Variants in COL22A1 observed in about 807,000 individuals in gnomAD.
COL22A1 encodes the protein collagen alpha-1(XXII) chain.
COL22A1 carries 221 observed loss-of-function variants against 248.9 expected under a neutral mutation model. That is an observed-to-expected ratio of 0.89 (90% CI 0.80 to 0.99). The LOEUF (loss-of-function observed/expected upper bound fraction) is 0.99. Among genes scored for constraint, COL22A1 ranks in the 50% least tolerant of loss-of-function variants. The pLI is 0.00. For missense variants in COL22A1, 2,240 were observed against 2,179.0 expected, an observed-to-expected ratio of 1.03 and a Z score of -0.56; for synonymous variants, 891 against 793.4, an observed-to-expected ratio of 1.12 and a Z score of -2.07.
intron 7 of COL22A1, among the ~76,000 whole-genome samples, chr8:138,820,827 C>T (rs555286796): frequency 1.3e-5 from 2 of 152,320 alleles, no homozygotes; most frequent in African/African-American, 4.8e-5. Context: ...GTCAGTCTTG[C>T]TCTCTTTTGC....
intron 5 of COL22A1, 25 bp downstream of exon 5, chr8:138,833,014 T>C (rs1178963559): frequency 5.4e-6 from 8 of 1,475,694 alleles, no homozygotes; most frequent in African/African-American, 1.4e-5. Flanking sequence ...CCTGGGCAGG[T>C]CTGGAAAGAG....
At chr8:138,860,460 G>A (rs1563854112) in intron 3 of COL22A1, among the ~76,000 whole-genome samples, 1 of 152,154 alleles carries the variant, frequency 6.6e-6, no homozygotes. Context: ...TGGATCTCAA[G>A]CTTTATTTAA....
At chr8:138,818,645 G>A (rs1246297206) in intron 7 of COL22A1, among the ~76,000 whole-genome samples, 1 of 152,198 alleles carries the variant, frequency 6.6e-6, no homozygotes, top group African/African-American at 2.4e-5. Context: ...TCTGTGAAAT[G>A]AGGATGTCCA....
At chr8:138,692,446 GGTGTGTGTGTGAGTGCATGTGT>G (rs1564202562) in intron 35 of COL22A1, among the ~76,000 whole-genome samples, 2 of 145,564 alleles carry the variant, frequency 1.4e-5, no homozygotes, top group Non-Finnish European at 3.0e-5. Flanking sequence ...TGTGTGTGGA[GGTGTGTGTGTGAGTGCATGTGT>G]GTGTGTGTGT....
At chr8:138,755,603 G>A (rs541400445) in intron 19 of COL22A1, 92 bp from the exon 20 acceptor site, 329 of 1,448,846 alleles carry the variant, frequency 2.3e-4, no homozygotes, top group Non-Finnish European at 2.8e-4. Flanking sequence ...TCATTCACAG[G>A]CCATGCTGTC....
intron 39 of COL22A1, among the ~76,000 whole-genome samples, chr8:138,683,732 C>T (rs900303971): frequency 6.6e-6 from 1 of 152,022 alleles, no homozygotes. Flanking sequence ...CAGAACTCCC[C>T]ACAGCAAGAC....
intron 1 of COL22A1, among the ~76,000 whole-genome samples, chr8:138,910,046 A>G (rs1815341625): frequency 6.6e-6 from 1 of 152,234 alleles, no homozygotes; most frequent in Non-Finnish European, 1.5e-5. Context: ...CGCTTGCAGG[A>G]ATGTGAAGAA....
intron 3 of COL22A1, among the ~76,000 whole-genome samples, chr8:138,873,382 G>C (rs1823486095): frequency 6.6e-6 from 1 of 152,070 alleles, no homozygotes; most frequent in African/African-American, 2.4e-5. Context: ...CATTGCCCAT[G>C]AACTTCTAAT....
chr8:138,765,574 A>G (rs1488984128), intron 16 of COL22A1, among the ~76,000 whole-genome samples: 1 of 152,244 alleles, frequency 6.6e-6, no homozygotes, highest in Non-Finnish European at 1.5e-5. Context: ...ACGCAGGCGC[A>G]CAATTCCATG....
intron 37 of COL22A1, 117 bp from the exon 38 acceptor site, chr8:138,685,429 A>T (rs1448115020): frequency 5.2e-6 from 4 of 769,758 alleles, no homozygotes; most frequent in Admixed American, 2.6e-5. Context: ...TGATTTTAGA[A>T]GGCCCATGCT....
intron 5 of COL22A1, among the ~76,000 whole-genome samples, chr8:138,830,529 T>TA (rs1281164363): frequency 2.6e-5 from 4 of 151,926 alleles, no homozygotes; most frequent in South Asian, 2.1e-4. Context: ...GCTTTGCCAT[T>TA]AAAAAAAATG....
intron 41 of COL22A1, among the ~76,000 whole-genome samples, chr8:138,675,874 C>G (rs1825466084): frequency 6.6e-6 from 1 of 152,148 alleles, no homozygotes; most frequent in African/African-American, 2.4e-5. Flanking sequence ...TTTCCATTAT[C>G]TATGGAAATA....
At chr8:138,725,869 C>T (rs73443093) in intron 23 of COL22A1, among the ~76,000 whole-genome samples, 8,740 of 151,976 alleles carry the variant, frequency 0.058, 463 homozygotes, top group African/African-American at 0.15. Context: ...GCAGGGCTGG[C>T]GCCAGGATCA....
intron 64 of COL22A1, among the ~76,000 whole-genome samples, chr8:138,590,420 C>A (rs928379530): frequency 2.0e-5 from 3 of 152,150 alleles, no homozygotes; most frequent in African/African-American, 7.2e-5. Flanking sequence ...GGTACAGTTA[C>A]TTCCTCCTTT....
At chr8:138,660,867 A>C (rs62527895) in intron 43 of COL22A1, among the ~76,000 whole-genome samples, 91,738 of 130,068 alleles carry the variant, frequency 0.71, 32,788 homozygotes, top group Non-Finnish European at 0.82. Context: ...CAGACACACA[A>C]ACACACAGAC....
intron 4 of COL22A1, among the ~76,000 whole-genome samples, chr8:138,839,232 G>C (rs1177133493): frequency 6.6e-6 from 1 of 152,164 alleles, no homozygotes; most frequent in Non-Finnish European, 1.5e-5. Flanking sequence ...CTATGTGTTA[G>C]ATGCTGCGTG....
rs192094912 is a variant in COL22A1 at position 138,861,389 on chromosome 8, A to G, written c.658+16361T>C. On this transcript the variant is annotated intron_variant, in intron 3 of 64. Coordinates refer to ENST00000303045, the MANE Select transcript of COL22A1 (RefSeq NM_152888.3). ...GGCTGGAATTTAACCAGTCAGAAACACAAAAGAGCTGGCAAGTCAGTTATC... is the reference window on the plus strand; with the variant it reads ...GGCTGGAATTTAACCAGTCAGAAACGCAAAAGAGCTGGCAAGTCAGTTATC... Among the ~76,000 whole-genome samples, 2 of 152,298 alleles carry G rather than the reference A, an allele frequency of 1.3e-5. 1 individual carries two copies. Among genetic ancestry groups the G allele is most frequent in the Admixed American group, 1.3e-4 (2 of 15,310 alleles).
chr8:138,808,145 A>T (rs1268365433), intron 9 of COL22A1, among the ~76,000 whole-genome samples: 1 of 152,232 alleles, frequency 6.6e-6, no homozygotes, highest in South Asian at 2.1e-4. Flanking sequence ...CAGAAGGCAG[A>T]GTGGTGGCTA....
At chr8:138,627,813 G>C (rs1429112383) in intron 50 of COL22A1, among the ~76,000 whole-genome samples, 1 of 152,126 alleles carries the variant, frequency 6.6e-6, no homozygotes, top group African/African-American at 2.4e-5. Flanking sequence ...TCCTAAGCCT[G>C]TTTGCATCAG....
Sources: allele counts gnomAD v4.1 joint callset (sites outside exome capture counted in the v4.1 genomes callset), GRCh38; gene constraint gnomAD v4.1.1; transcripts MANE v1.5; gene names NCBI Gene and HGNC (gene_info 2026-07-23, HGNC 2026-07-21).